Variants in SNTG2 observed in about 807,000 individuals in gnomAD.
SNTG2 encodes syntrophin gamma 2.
SNTG2 carries 74 observed loss-of-function variants against 70.9 expected under a neutral mutation model. The observed-to-expected ratio is 1.04, with a 90% CI of 0.86 to 1.27. SNTG2 has a LOEUF of 1.27. Among genes scored for constraint, SNTG2 ranks in the 50% most tolerant of loss-of-function variants. SNTG2 has a pLI of 0.00. For missense variants in SNTG2, 717 were observed against 690.7 expected, an observed-to-expected ratio of 1.04 and a Z score of -0.43; for synonymous variants, 278 against 273.8, an observed-to-expected ratio of 1.02 and a Z score of -0.15.
At chr2:1,095,571 C>T (rs1157264744) in intron 2 of SNTG2, among the ~76,000 whole-genome samples, 1 of 152,092 alleles carries the variant, frequency 6.6e-6, no homozygotes, top group Non-Finnish European at 1.5e-5. Flanking sequence ...CACAGGTGAT[C>T]AGTTTCTTGA....
At chr2:1,340,709 A>C (rs936309808) in intron 16 of SNTG2, among the ~76,000 whole-genome samples, 2 of 152,200 alleles carry the variant, frequency 1.3e-5, no homozygotes, top group Non-Finnish European at 2.9e-5. Flanking sequence ...TATTATTTGC[A>C]TTAATTATAA....
chr2:1,271,794 C>T (rs551229778), intron 14 of SNTG2, among the ~76,000 whole-genome samples: 42 of 152,274 alleles, frequency 2.8e-4, no homozygotes, highest in African/African-American at 9.9e-4. Context: ...ATGAGCCCAT[C>T]AGACCAAAGT....
rs754201991 is a variant in SNTG2 at position 1,259,382 on chromosome 2, G to C, written c.1018G>C (p.Asp340His). ...VFSTPPVSTF[D>H]WVRAERTYHL... The stretch of plus-strand genomic sequence containing the variant: ...CTGTTTCTTGCAGGTGAGCACATTC[G>C]ATTGGGTGCGAGCAGAAAGGACCTA... The change falls in exon 13 of 17, where the codon GAT becomes CAT. Residue 340 changes from aspartate (D) to histidine (H), a missense_variant. Asp to His is a moderately conservative substitution (Grantham distance 81). Transcript: ENST00000308624. 5.1e-5 allele frequency: 82 copies of C among 1,613,818 alleles called. No individual in the cohort carries two copies. The highest frequency in any genetic ancestry group is 6.9e-5 in the Non-Finnish European group (81 of 1,179,880).
chr2:996,515 A>G (rs1232269038), intron 1 of SNTG2, among the ~76,000 whole-genome samples: 1 of 152,110 alleles, frequency 6.6e-6, no homozygotes, highest in Admixed American at 6.5e-5. Flanking sequence ...AAATGTAGAT[A>G]TGCTTATGCT....
intron 6 of SNTG2, among the ~76,000 whole-genome samples, chr2:1,149,896 G>A (rs1669365300): frequency 6.6e-6 from 1 of 151,502 alleles, no homozygotes; most frequent in Non-Finnish European, 1.5e-5. Context: ...CACCATGTTA[G>A]CCAGGATGGT....
At chr2:1,293,349 T>G (rs1285942465) in intron 14 of SNTG2, among the ~76,000 whole-genome samples, 1 of 152,104 alleles carries the variant, frequency 6.6e-6, no homozygotes, top group Non-Finnish European at 1.5e-5. Context: ...TATTTTGTCT[T>G]TTTAAAAATT....
chr2:1,363,546 C>A (rs765451953), intron 16 of SNTG2, among the ~76,000 whole-genome samples: 2 of 152,174 alleles, frequency 1.3e-5, no homozygotes, highest in Non-Finnish European at 2.9e-5. Context: ...GTGCCCTTTC[C>A]TCTGCAGGTG....
chr2:965,874 C>A (rs888715536), intron 1 of SNTG2, among the ~76,000 whole-genome samples: 1 of 152,168 alleles, frequency 6.6e-6, no homozygotes, highest in Non-Finnish European at 1.5e-5. Flanking sequence ...GGCACCTGGG[C>A]AGGAGTCAAG....
At chr2:1,218,599 G>A (rs1247479842) in intron 9 of SNTG2, among the ~76,000 whole-genome samples, 1 of 152,222 alleles carries the variant, frequency 6.6e-6, no homozygotes, top group Admixed American at 6.5e-5. Context: ...AAATACTTAA[G>A]AACAAGAGAA....
intron 1 of SNTG2, among the ~76,000 whole-genome samples, chr2:958,710 C>A (rs1660250908): frequency 1.3e-5 from 2 of 151,750 alleles, no homozygotes; most frequent in Admixed American, 1.3e-4. Flanking sequence ...TAAAGTGGTT[C>A]ATTTGAAATC....
At chr2:1,217,851 C>G (rs972782307) in intron 9 of SNTG2, among the ~76,000 whole-genome samples, 1 of 152,146 alleles carries the variant, frequency 6.6e-6, no homozygotes, top group East Asian at 1.9e-4. Flanking sequence ...TGTAACAAAC[C>G]TGTGCAAACT....
At chr2:1,127,954 CT>C (rs1396624988) in intron 4 of SNTG2, among the ~76,000 whole-genome samples, 1 of 152,134 alleles carries the variant, frequency 6.6e-6, no homozygotes, top group Non-Finnish European at 1.5e-5. Flanking sequence ...ATTTATTTCT[CT>C]TGCCTGAGTG....
intron 11 of SNTG2, among the ~76,000 whole-genome samples, chr2:1,240,708 A>G (rs568333185): frequency 4.6e-5 from 7 of 152,338 alleles, no homozygotes; most frequent in Non-Finnish European, 1.0e-4. Context: ...TACTAAAACA[A>G]TGGGAAAATA....
intron 1 of SNTG2, among the ~76,000 whole-genome samples, chr2:1,043,246 A>C (rs561837536): frequency 2.0e-5 from 3 of 151,776 alleles, no homozygotes; most frequent in Non-Finnish European, 4.4e-5. Flanking sequence ...GATTTGTTGA[A>C]GTTTCCTATA....
intron 16 of SNTG2, among the ~76,000 whole-genome samples, chr2:1,332,052 C>A (rs1262224145): frequency 1.3e-5 from 2 of 152,196 alleles, no homozygotes; most frequent in African/African-American, 4.8e-5. Flanking sequence ...TGCAACGTCT[C>A]ATCTCCAGGC....
chr2:1,144,790 C>T (rs183472912), intron 6 of SNTG2, among the ~76,000 whole-genome samples: 8 of 152,228 alleles, frequency 5.3e-5, no homozygotes, highest in African/African-American at 1.4e-4. Flanking sequence ...AGGTCCCTCC[C>T]GTAACACATG....
chr2:1,237,867 G>T, intron 9 of SNTG2, 21 bp from the exon 10 acceptor site: 1 of 1,590,164 alleles, frequency 6.3e-7, no homozygotes, highest in African/African-American at 1.3e-5. Context: ...GGGCCTCCTG[G>T]ACAGCTCTCT....
intron 16 of SNTG2, among the ~76,000 whole-genome samples, chr2:1,356,223 G>C (rs1660846949): frequency 6.6e-6 from 1 of 152,058 alleles, no homozygotes; most frequent in Non-Finnish European, 1.5e-5. Flanking sequence ...TGCTTTTGTT[G>C]CCTGTGGTTA....
chr2:1,054,155 C>T lies in SNTG2; in HGVS notation c.73-29363C>T, dbSNP rs374398047. On this transcript the variant is annotated intron_variant, in intron 1 of 16. Transcript: ENST00000308624. ...TCATTGCCACCCTGATTCAGACGGG[C>T]GGACCTGAACCTTTGGTTGTTTCCC... 7.3e-4 allele frequency among the ~76,000 whole-genome samples: 111 copies of T among 152,254 alleles called. 2 individuals carry two copies. Among genetic ancestry groups the T allele is most frequent in the African/African-American group, 2.5e-3 (102 of 41,542 alleles).
Sources: allele counts gnomAD v4.1 joint callset (sites outside exome capture counted in the v4.1 genomes callset), GRCh38; gene constraint gnomAD v4.1.1; transcripts MANE v1.5; gene names NCBI Gene and HGNC (gene_info 2026-07-23, HGNC 2026-07-21).